TRIM14: variants seen among roughly 807,000 people sequenced by gnomAD.
TRIM14 encodes the protein tripartite motif-containing protein 14.
Under a neutral mutation model 44.5 loss-of-function variants are expected in TRIM14, and 28 were observed. The observed-to-expected ratio is 0.63, with a 90% CI of 0.47 to 0.86. The LOEUF (loss-of-function observed/expected upper bound fraction) is 0.86, where lower values mean the gene tolerates loss of function less well. Among genes scored for constraint, TRIM14 ranks in the 40% least tolerant of loss-of-function variants. TRIM14 has a pLI of 0.00. For missense variants in TRIM14, 607 were observed against 611.1 expected (o/e 0.99, Z 0.07); for synonymous variants, 299 against 269.2 (o/e 1.11, Z -1.08).
chr9:98,080,706 T>C (rs2118018444), downstream of TRIM14: 4 of 1,260,686 alleles, frequency 3.2e-6, no homozygotes, highest in Non-Finnish European at 4.3e-6. Context: ...TGCCCCTGGC[T>C]GCACAGCTAG....
intron 1 of TRIM14, among the ~76,000 whole-genome samples, chr9:98,110,391 A>G (rs1248781977): frequency 6.6e-6 from 1 of 152,100 alleles, no homozygotes; most frequent in Non-Finnish European, 1.5e-5. Flanking sequence ...CTCATGAAAC[A>G]TACATTCCAG....
At chr9:98,038,503 T>C in the TRIM14 span, among the ~76,000 whole-genome samples, 1 of 152,214 alleles carries the variant, frequency 6.6e-6, no homozygotes, top group East Asian at 1.9e-4. Flanking sequence ...TTTACTATAG[T>C]AAGACAAAGT....
Position 98,109,910 on chromosome 9 carries a change from T to G in TRIM14, c.282A>C (p.Glu94Asp). ...TTGCCTTGAGCTTCTCGGTGGCATC[T>G]TCTATCTGGGTTATGTTGTCAATGT... ...QQHIDNITQI[E>D]DATEKLKANA... The change falls in exon 2 of 6, where the codon GAA becomes GAC. Residue 94 changes from glutamate (E) to aspartate (D), a missense_variant. This residue lies in a region of TRIM14 where 246 missense variants were observed against 270.8 expected (regional missense o/e 0.91). Coordinates refer to ENST00000341469, the MANE Select transcript of TRIM14 (RefSeq NM_014788.4). The G allele has an allele frequency of 6.2e-7, 1 of 1,612,414 alleles. No individual in the cohort carries two copies. Among genetic ancestry groups the G allele is most frequent in the Non-Finnish European group, 8.5e-7 (1 of 1,179,338 alleles).
chr9:98,090,119 A>G (rs1188854128), intron 5 of TRIM14, among the ~76,000 whole-genome samples: 1 of 152,248 alleles, frequency 6.6e-6, no homozygotes, highest in Non-Finnish European at 1.5e-5. Flanking sequence ...TGTAGTAGAC[A>G]GTAACTCAAG....
chr9:98,039,969 G>A, the TRIM14 span, among the ~76,000 whole-genome samples: 1 of 152,130 alleles, frequency 6.6e-6, no homozygotes, highest in Non-Finnish European at 1.5e-5. Context: ...GAACCCCTGG[G>A]TGGTTACAGG....
At chr9:98,055,181 G>A in the TRIM14 span, among the ~76,000 whole-genome samples, 1 of 152,028 alleles carries the variant, frequency 6.6e-6, no homozygotes, top group Non-Finnish European at 1.5e-5. Context: ...CACCATACCT[G>A]GCTCATTTTG....
At chr9:98,106,487 G>A (rs1826616303) in intron 2 of TRIM14, among the ~76,000 whole-genome samples, 1 of 152,216 alleles carries the variant, frequency 6.6e-6, no homozygotes, top group African/African-American at 2.4e-5. Context: ...GCCCCCACAT[G>A]AGAGTGCAGG....
chr9:98,081,991 C>T (rs1306054527), downstream of TRIM14: 1 of 152,198 alleles, frequency 6.6e-6, no homozygotes, highest in Non-Finnish European at 1.5e-5. Flanking sequence ...TAAAACATAA[C>T]AGGATGCATG....
At chr9:98,078,446 T>G in intron 6 of TRIM14, 1 of 1,405,018 alleles carries the variant, frequency 7.1e-7, no homozygotes. Flanking sequence ...GCATACTTTA[T>G]AATTTGAACA....
chr9:98,088,916 T>TTG (rs1825898195), intron 5 of TRIM14, among the ~76,000 whole-genome samples: 4 of 110,538 alleles, frequency 3.6e-5, no homozygotes, highest in South Asian at 2.9e-4. Flanking sequence ...TGAAGTTTTT[T>TTG]TTGTTGTTGT....
At chr9:98,110,341 G>T in intron 1 of TRIM14, 1 of 272,958 alleles carries the variant, frequency 3.7e-6, no homozygotes. Context: ...AGTATTAACT[G>T]AGCACCTATT....
chr9:98,080,170 C>G (rs573423163), downstream of TRIM14, among the ~76,000 whole-genome samples: 1 of 152,284 alleles, frequency 6.6e-6, no homozygotes, highest in Admixed American at 6.5e-5. Flanking sequence ...GCTGAGATCA[C>G]GCCATTGCAC....
chr9:98,111,566 A>C (rs1255517570), intron 1 of TRIM14, among the ~76,000 whole-genome samples: 1 of 152,256 alleles, frequency 6.6e-6, no homozygotes, highest in Non-Finnish European at 1.5e-5. Context: ...TGAACTATTC[A>C]GGCAAAATTG....
chr9:98,087,220 A>G lies in TRIM14; in HGVS notation c.*250T>C. On this transcript the variant is annotated 3_prime_UTR_variant, in exon 6 of 6. Coordinates refer to ENST00000341469, the MANE Select transcript of TRIM14 (RefSeq NM_014788.4). ...TGAAGGAACTGGATTAAAGTAGTGT[A>G]AGTGATGGTGGGGTGAGGGTGCGGA... 1 of 770,248 alleles carries G rather than the reference A, an allele frequency of 1.3e-6. No individual in the cohort carries two copies. The allele number at this position is 770,248 out of a possible 1,614,324, so 47.7% of individuals were successfully genotyped here. A position where few individuals can be genotyped will look rare whatever the true frequency, so the allele number is the denominator to read the frequency against.
At chr9:98,048,086 A>G in the TRIM14 span, among the ~76,000 whole-genome samples, 55 of 151,318 alleles carry the variant, frequency 3.6e-4, 2 homozygotes, top group South Asian at 0.011. Context: ...AAAAAAAAGT[A>G]TGGAAATGTC....
chr9:98,042,397 T>C, the TRIM14 span, among the ~76,000 whole-genome samples: 3 of 152,136 alleles, frequency 2.0e-5, no homozygotes, highest in Admixed American at 6.5e-5. Flanking sequence ...ATGACAAGTT[T>C]GTTTTTCAAG....
chr9:98,083,578 A>C (rs1829985977), downstream of TRIM14, among the ~76,000 whole-genome samples: 1 of 152,254 alleles, frequency 6.6e-6, no homozygotes, highest in African/African-American at 2.4e-5. Flanking sequence ...CTTTCAGAGC[A>C]AAGAGAGGGA....
the TRIM14 span, among the ~76,000 whole-genome samples, chr9:98,057,342 C>T: frequency 2.0e-5 from 3 of 152,166 alleles, no homozygotes; most frequent in African/African-American, 7.2e-5. Context: ...TCTTCTCTGA[C>T]ATTCTTCAGC....
chr9:98,052,665 G>A, the TRIM14 span, among the ~76,000 whole-genome samples: 1 of 152,050 alleles, frequency 6.6e-6, no homozygotes, highest in Non-Finnish European at 1.5e-5. Context: ...GTGCCACCAC[G>A]CCTGCCTAAT....
Sources: gnomAD v4.1 joint callset for allele counts (sites outside exome capture counted in the v4.1 genomes callset) on GRCh38, gnomAD v4.1.1 for gene constraint, gnomAD v4.1.1 regional missense constraint, MANE v1.5 for transcripts, NCBI Gene and HGNC (gene_info 2026-07-23, HGNC 2026-07-21) for gene names.